CPEB4: variants seen among roughly 807,000 people sequenced by gnomAD.
The protein encoded by CPEB4 is cytoplasmic polyadenylation element binding protein 4, also known as cytoplasmic polyadenylation element-binding protein 4.
Under a neutral mutation model 72.5 loss-of-function variants are expected in CPEB4, and 12 were observed. The ratio of observed to expected loss-of-function variants is 0.17; its 90% confidence interval spans 0.11 to 0.27. CPEB4 has a LOEUF of 0.27. CPEB4 is among the 10% of genes least tolerant of loss of function. The probability of loss-of-function intolerance (pLI) is 1.00; values close to 1 mark genes in which losing one functional copy is unlikely to be tolerated. For missense variants in CPEB4, 614 were observed against 908.5 expected, an observed-to-expected ratio of 0.68 and a Z score of 4.17; for synonymous variants, 302 against 326.3, an observed-to-expected ratio of 0.93 and a Z score of 0.80.
chr5:173,938,261 T>G (rs1757699096), intron 3 of CPEB4, among the ~76,000 whole-genome samples: 1 of 152,234 alleles, frequency 6.6e-6, no homozygotes, highest in South Asian at 2.1e-4. Flanking sequence ...AATCTCGCTC[T>G]GTTGCCCAGG....
At chr5:173,917,176 A>G (rs898241036) in intron 2 of CPEB4, among the ~76,000 whole-genome samples, 4 of 152,218 alleles carry the variant, frequency 2.6e-5, no homozygotes, top group Non-Finnish European at 4.4e-5. Flanking sequence ...TAATTTGGGA[A>G]TAAATAATTT....
intron 1 of CPEB4, among the ~76,000 whole-genome samples, chr5:173,897,270 T>C (rs1373443308): frequency 1.3e-5 from 2 of 152,228 alleles, no homozygotes; most frequent in East Asian, 3.8e-4. Context: ...CCACAGTTGT[T>C]TTATTAAGAA....
chr5:173,921,644 A>G (rs1757076960), intron 2 of CPEB4, among the ~76,000 whole-genome samples: 1 of 152,190 alleles, frequency 6.6e-6, no homozygotes, highest in African/African-American at 2.4e-5. Context: ...TCCGTGTTGT[A>G]TAACATGGCA....
chr5:173,932,324 AT>A, intron 2 of CPEB4, 125 bp from the exon 3 acceptor site: 1 of 572,080 alleles, frequency 1.7e-6, no homozygotes, highest in African/African-American at 1.9e-5. Context: ...GAACATGCTG[AT>A]TGATATATCC....
chr5:173,909,682 T>C (rs12188193), intron 1 of CPEB4, among the ~76,000 whole-genome samples: 17,417 of 152,234 alleles, frequency 0.11, 1,162 homozygotes, highest in Middle Eastern at 0.21. Flanking sequence ...TAAATCAGTA[T>C]TTTTATTTTC....
At chr5:173,909,356 G>A (rs923686258) in intron 1 of CPEB4, among the ~76,000 whole-genome samples, 1 of 152,052 alleles carries the variant, frequency 6.6e-6, no homozygotes, top group Non-Finnish European at 1.5e-5. Context: ...GGTTGTTTGG[G>A]GACCTAATAA....
At position 173,900,164 on chromosome 5, in the gene CPEB4, G is replaced by A. The variant is rs767119557; in HGVS notation, c.1125+9306G>A. Among the ~76,000 whole-genome samples the A allele has an allele frequency of 2.6e-5, 4 of 152,064 alleles. No homozygotes were observed. Among genetic ancestry groups the A allele is most frequent in the Non-Finnish European group, 4.4e-5 (3 of 68,000 alleles). Reference sequence around the variant, plus strand: ...CTCACGCCTGTAATCCCAGCACTGCGAGAGGCTGAGGTGGGCGGATCACCT... The same window carrying A: ...CTCACGCCTGTAATCCCAGCACTGCAAGAGGCTGAGGTGGGCGGATCACCT... On this transcript the variant is annotated intron_variant, in intron 1 of 9. Transcript: ENST00000265085. This position sits in a 1 kb window ranked among gnomAD's most constrained non-coding sequence, Gnocchi z 4.4.
rs540970260 is a variant in CPEB4, at chr5:173,895,402, A to G, written c.1125+4544A>G. Among the ~76,000 whole-genome samples, 69 of 152,338 alleles carry G rather than the reference A, an allele frequency of 4.5e-4. No individual in the cohort carries two copies. In the South Asian group the frequency reaches 7.7e-3, roughly 17 times the overall value. ...TTGCCGCTTTCATTAGCTAAGAGTC[A>G]GGTAGGAAGGAAAAAGACAAAATCA... On this transcript the variant is annotated intron_variant, in intron 1 of 9. Coordinates refer to ENST00000265085, the MANE Select transcript of CPEB4 (RefSeq NM_030627.4).
chr5:173,949,694 A>G lies in CPEB4; in HGVS notation c.1546+97A>G, dbSNP rs532919436. On this transcript the variant is annotated intron_variant, in intron 6 of 9. Transcript: ENST00000265085. ...GTTCACCTTCACTGTAAAATGTTGC[A>G]TTGTTAAACTTGCATTTTCCCAAAT... 5.1e-5 allele frequency: 44 copies of G among 855,990 alleles called. 1 individual carries two copies. In the East Asian group the frequency reaches 1.1e-3, roughly 22 times the overall value. 53.0% of individuals were successfully genotyped at this position (855,990 alleles called of 1,614,324 possible). A position where few individuals can be genotyped will look rare whatever the true frequency, so the allele number is the denominator to read the frequency against.
chr5:173,928,391 A>G (rs1757324366), intron 2 of CPEB4, among the ~76,000 whole-genome samples: 1 of 152,112 alleles, frequency 6.6e-6, no homozygotes, highest in African/African-American at 2.4e-5. Flanking sequence ...TAAGCTATGC[A>G]TATGTGGGGG....
rs541287770 is a variant in CPEB4, at chr5:173,900,284, A to G, written c.1125+9426A>G. Among the ~76,000 whole-genome samples the G allele has an allele frequency of 6.6e-6, 1 of 152,270 alleles. No homozygotes were observed. The highest frequency in any genetic ancestry group is 2.4e-5 in the African/African-American group (1 of 41,552). On this transcript the variant is annotated intron_variant, in intron 1 of 9. Coordinates refer to ENST00000265085, the MANE Select transcript of CPEB4 (RefSeq NM_030627.4). The surrounding 1 kb of genome is among the most constrained non-coding windows in gnomAD (Gnocchi z 4.4). ...GCCTGGTGTGGTGGCGGGCGCCTGT[A>G]GTCCCAGCTATTCTGGAGGCTGAGG...
chr5:173,926,311 T>C (rs1321017558), intron 2 of CPEB4, among the ~76,000 whole-genome samples: 1 of 152,260 alleles, frequency 6.6e-6, no homozygotes, highest in African/African-American at 2.4e-5. Flanking sequence ...TGGTCTTTTC[T>C]CCTTTTATTT....
intron 4 of CPEB4, among the ~76,000 whole-genome samples, chr5:173,943,836 A>C (rs1757929235): frequency 6.6e-6 from 1 of 152,182 alleles, no homozygotes; most frequent in African/African-American, 2.4e-5. Flanking sequence ...AGTGTGGCAA[A>C]ACCTGGAATG....
In CPEB4 at chr5:173,900,588, C is replaced by G. The variant is rs923266818; in HGVS notation, c.1125+9730C>G. Among the ~76,000 whole-genome samples the G allele has an allele frequency of 6.6e-6, 1 of 152,038 alleles. No homozygotes were observed. Among genetic ancestry groups the G allele is most frequent in the Non-Finnish European group, 1.5e-5 (1 of 68,012 alleles). On this transcript the variant is annotated intron_variant, in intron 1 of 9. Coordinates refer to ENST00000265085, the MANE Select transcript of CPEB4 (RefSeq NM_030627.4). This position sits in a 1 kb window ranked among gnomAD's most constrained non-coding sequence, Gnocchi z 4.4. Reference sequence around the variant, plus strand: ...TTTCCTTGAACTAATGACTTCTTGCCCTGAATAGTTTATTAGGGAGAAGTC... The same window carrying G: ...TTTCCTTGAACTAATGACTTCTTGCGCTGAATAGTTTATTAGGGAGAAGTC...
intron 1 of CPEB4, among the ~76,000 whole-genome samples, chr5:173,898,758 C>T (rs1223406118): frequency 6.6e-6 from 1 of 152,192 alleles, no homozygotes; most frequent in African/African-American, 2.4e-5. Flanking sequence ...TTCACAGCAA[C>T]CACCACCTCC....
At position 173,953,193 on chromosome 5, in the gene CPEB4, C is replaced by T; in HGVS notation, c.1883C>T (p.Ala628Val). ...LKYPKGAGRV[A>V]FSNQQSYIAA... is the part of the protein sequence containing the mutation. ...TACCCAAAAGGAGCTGGGAGAGTTG[C>T]GTTCTCTAATCAACAGAGTTACATA... The change falls in exon 9 of 10, where the codon GCG (alanine) becomes GTG (valine). Residue 628 changes from alanine to valine, a missense_variant. Around this residue, in one of 5 missense-constraint regions of CPEB4, gnomAD observed 101 missense variants for 243.1 expected, o/e 0.42. Transcript: ENST00000265085. 2 of 1,613,756 alleles carry T rather than the reference C, an allele frequency of 1.2e-6. No individual in the cohort carries two copies. The highest frequency in any genetic ancestry group is 1.7e-6 in the Non-Finnish European group (2 of 1,179,774).
chr5:173,890,496 A>T lies in CPEB4; in HGVS notation c.763A>T (p.Ser255Cys). The change falls in exon 1 of 10, where the codon AGT (serine) becomes TGT (cysteine). Residue 255 changes from serine to cysteine, a missense_variant. Coordinates refer to ENST00000265085, the MANE Select transcript of CPEB4 (RefSeq NM_030627.4). ...QHQQQRRSPA[S>C]PHPPPFTHRN... ...TCAGCAGCAAAGGAGGTCTCCTGCCAGTCCCCATCCCCCACCCTTCACACA... is the reference window on the plus strand; with the variant it reads ...TCAGCAGCAAAGGAGGTCTCCTGCCTGTCCCCATCCCCCACCCTTCACACA... 6.2e-7 allele frequency: 1 copy of T among 1,612,162 alleles called. No individual in the cohort carries two copies. Among genetic ancestry groups the T allele is most frequent in the South Asian group, 1.1e-5 (1 of 90,674 alleles).
chr5:173,902,812 C>G (rs1756286722), intron 1 of CPEB4, among the ~76,000 whole-genome samples: 3 of 152,112 alleles, frequency 2.0e-5, no homozygotes, highest in Admixed American at 2.0e-4. Flanking sequence ...ATATTTTCTG[C>G]TTATTAAAAT....
intron 2 of CPEB4, among the ~76,000 whole-genome samples, chr5:173,925,722 G>T (rs1757220036): frequency 6.6e-6 from 1 of 152,096 alleles, no homozygotes; most frequent in South Asian, 2.1e-4. Context: ...GATGTGCAGG[G>T]GTAGGAGGAC....
Sources: gnomAD v4.1 joint callset for allele counts (sites outside exome capture counted in the v4.1 genomes callset) on GRCh38, gnomAD v4.1.1 for gene constraint, gnomAD v4.1.1 regional missense constraint, Gnocchi (gnomAD v3.1) non-coding constraint, MANE v1.5 for transcripts, NCBI Gene and HGNC (gene_info 2026-07-23, HGNC 2026-07-21) for gene names.